Variants in HDAC9 observed in about 807,000 individuals in gnomAD.
The protein encoded by HDAC9 is MEF-2 interacting transcription repressor (MITR) protein.
A neutral mutation model predicts 139.4 loss-of-function variants in HDAC9; 41 were observed. The observed-to-expected ratio is 0.29, with a 90% CI of 0.23 to 0.38. HDAC9 has a LOEUF of 0.38. HDAC9 is among the 10% of genes least tolerant of loss of function. The pLI is 1.00. For missense variants in HDAC9, 1,147 were observed against 1,297.0 expected (o/e 0.88, Z 1.78); for synonymous variants, 517 against 476.2 (o/e 1.09, Z -1.12).
intron 13 of HDAC9, among the ~76,000 whole-genome samples, chr7:18,737,557 A>G (rs1787040864): frequency 1.3e-5 from 2 of 151,950 alleles, no homozygotes; most frequent in African/African-American, 4.8e-5. Flanking sequence ...ATTAGAATAT[A>G]GTTTTCATTA....
At chr7:18,673,557 A>G (rs1201148145) in intron 12 of HDAC9, among the ~76,000 whole-genome samples, 1 of 152,088 alleles carries the variant, frequency 6.6e-6, no homozygotes, top group Non-Finnish European at 1.5e-5. Flanking sequence ...GTCATATAAC[A>G]TCATTAAAAT....
chr7:18,483,040 A>G (rs1014527912), intron 1 of HDAC9, among the ~76,000 whole-genome samples: 30 of 152,368 alleles, frequency 2.0e-4, no homozygotes, highest in African/African-American at 7.0e-4. Context: ...CAAAAGAAAA[A>G]GATGGTGAAT....
intron 2 of HDAC9, among the ~76,000 whole-genome samples, chr7:18,540,073 C>T (rs1029569776): frequency 8.8e-6 from 1 of 113,948 alleles, no homozygotes; most frequent in Non-Finnish European, 1.7e-5. Context: ...GCCTGGCCAA[C>T]ATGTTGAAAC....
At chr7:18,670,963 GC>G (rs1232255773) in intron 12 of HDAC9, among the ~76,000 whole-genome samples, 1 of 151,282 alleles carries the variant, frequency 6.6e-6, no homozygotes, top group Non-Finnish European at 1.5e-5. Context: ...AAAATCTGTA[GC>G]CTTCTTTTTT....
Position 18,817,120 on chromosome 7 carries a change from C to T in HDAC9, c.2323-12041C>T, listed in dbSNP as rs113598066. On this transcript the variant is annotated intron_variant, in intron 17 of 25. Coordinates refer to ENST00000686413, the MANE Select transcript of HDAC9 (RefSeq NM_178425.4). ...TGCGATCTGGGCTCACTGCAAGCTC[C>T]GCCTCCGGGGTTCACGCCATTCTTC... Among the ~76,000 whole-genome samples, 356 of 151,892 alleles carry T rather than the reference C, an allele frequency of 2.3e-3. 2 individuals carry two copies. Among genetic ancestry groups the T allele is most frequent in the African/African-American group, 8.2e-3 (341 of 41,426 alleles).
intron 1 of HDAC9, among the ~76,000 whole-genome samples, chr7:18,369,793 C>T (rs767686806): frequency 2.0e-4 from 30 of 152,112 alleles, no homozygotes; most frequent in African/African-American, 3.9e-4. Flanking sequence ...AGGAGGTGTG[C>T]GCTCACTGTG....
intron 22 of HDAC9, among the ~76,000 whole-genome samples, chr7:18,924,241 T>C (rs188622144): frequency 6.6e-6 from 1 of 152,256 alleles, no homozygotes; most frequent in East Asian, 1.9e-4. Context: ...AGTATTTCTA[T>C]TAAATGGTGA....
At chr7:18,992,806 G>T (rs937904097) in intron 25 of HDAC9, among the ~76,000 whole-genome samples, 1 of 151,994 alleles carries the variant, frequency 6.6e-6, no homozygotes, top group Non-Finnish European at 1.5e-5. Flanking sequence ...AAAACTATCA[G>T]TGTTCACTGT....
intron 2 of HDAC9, among the ~76,000 whole-genome samples, chr7:18,211,923 C>T (rs915741426): frequency 6.6e-6 from 1 of 151,930 alleles, no homozygotes; most frequent in Non-Finnish European, 1.5e-5. Flanking sequence ...GACAAATGGC[C>T]GTCATGGTGG....
At chr7:18,370,072 T>C (rs563667114) in intron 1 of HDAC9, among the ~76,000 whole-genome samples, 1 of 152,098 alleles carries the variant, frequency 6.6e-6, no homozygotes, top group African/African-American at 2.4e-5. Context: ...GAGGTAATGA[T>C]ACAGAAAGGG....
At chr7:18,891,007 A>G (rs78525599) in intron 22 of HDAC9, among the ~76,000 whole-genome samples, 3,867 of 152,286 alleles carry the variant, frequency 0.025, 161 homozygotes, top group East Asian at 0.15. Flanking sequence ...TCTGGGTTTC[A>G]TAGCACGTAT....
chr7:18,422,588 C>T (rs1789726439), intron 1 of HDAC9, among the ~76,000 whole-genome samples: 1 of 152,024 alleles, frequency 6.6e-6, no homozygotes, highest in African/African-American at 2.4e-5. Flanking sequence ...ACAGAATCTT[C>T]AAAGGAGGGG....
At chr7:18,331,033 T>C (rs1800881836) in intron 1 of HDAC9, among the ~76,000 whole-genome samples, 2 of 151,726 alleles carry the variant, frequency 1.3e-5, no homozygotes, top group African/African-American at 2.4e-5. Flanking sequence ...CTGGTTTCTC[T>C]GTTATCACAA....
intron 1 of HDAC9, among the ~76,000 whole-genome samples, chr7:18,365,892 A>T (rs1784140217): frequency 6.6e-6 from 1 of 151,858 alleles, no homozygotes; most frequent in African/African-American, 2.4e-5. Context: ...AATGAATGTA[A>T]CATCATGCCT....
chr7:18,352,734 C>G (rs145728241), intron 1 of HDAC9, among the ~76,000 whole-genome samples: 2 of 152,110 alleles, frequency 1.3e-5, no homozygotes, highest in African/African-American at 2.4e-5. Flanking sequence ...TAGTGAATCT[C>G]GGTGTGCAAA....
At chr7:18,712,175 T>G (rs1725532841) in intron 12 of HDAC9, among the ~76,000 whole-genome samples, 1 of 152,156 alleles carries the variant, frequency 6.6e-6, no homozygotes, top group South Asian at 2.1e-4. Flanking sequence ...TAATCACATT[T>G]TTTCATTCTT....
chr7:18,335,460 A>G (rs1220529151), intron 1 of HDAC9, among the ~76,000 whole-genome samples: 1 of 151,404 alleles, frequency 6.6e-6, no homozygotes, highest in African/African-American at 2.4e-5. Flanking sequence ...AATGGTCTTG[A>G]TGTACATGGA....
intron 1 of HDAC9, among the ~76,000 whole-genome samples, chr7:18,139,256 G>A (rs1333511108): frequency 2.0e-5 from 3 of 151,364 alleles, no homozygotes; most frequent in African/African-American, 7.3e-5. Context: ...CTTTCAAGTA[G>A]CTGGTACTGC....
chr7:18,225,194 A>G (rs1442211030), intron 2 of HDAC9, among the ~76,000 whole-genome samples: 1 of 152,208 alleles, frequency 6.6e-6, no homozygotes, highest in East Asian at 1.9e-4. Flanking sequence ...GAACTGGAAG[A>G]TTTCTGCTTT....
Sources: gnomAD v4.1 joint callset for allele counts (sites outside exome capture counted in the v4.1 genomes callset) on GRCh38, gnomAD v4.1.1 for gene constraint, MANE v1.5 for transcripts, NCBI Gene and HGNC (gene_info 2026-07-23, HGNC 2026-07-21) for gene names.